FDPS: variants seen among roughly 807,000 people sequenced by gnomAD.
FDPS encodes farnesyl diphosphate synthase.
FDPS carries 29 observed loss-of-function variants against 49.5 expected under a neutral mutation model. The ratio of observed to expected loss-of-function variants is 0.59; its 90% confidence interval spans 0.44 to 0.80. FDPS has a LOEUF of 0.80. Among genes scored for constraint, FDPS ranks in the 30% least tolerant of loss-of-function variants. The pLI, the probability that FDPS is intolerant of heterozygous loss-of-function variation, is 0.00. For synonymous variants in FDPS, 172 were observed against 206.4 expected, an observed-to-expected ratio of 0.83 and a Z score of 1.43; for missense variants, 414 against 525.6, an observed-to-expected ratio of 0.79 and a Z score of 2.08.
chr1:155,318,392 C>A lies in FDPS; in HGVS notation c.684+101C>A. 1.4e-6 allele frequency: 2 copies of A among 1,481,034 alleles called. No individual in the cohort carries two copies. Among genetic ancestry groups the A allele is most frequent in the South Asian group, 1.2e-5 (1 of 84,626 alleles). 91.7% of individuals were successfully genotyped at this position (1,481,034 alleles called of 1,614,324 possible). ...CTGGTTTCAGGGTACAGGATTGCAG[C>A]GTGCCTGGAAGGGAAAGAAAGCGAG... On this transcript the variant is annotated intron_variant, in intron 6 of 10. Transcript: ENST00000368356. This position sits in a 1 kb window ranked among gnomAD's most constrained non-coding sequence, Gnocchi z 4.2.
In FDPS at chr1:155,318,341, G is replaced by A; in HGVS notation, c.684+50G>A. On this transcript the variant is annotated intron_variant, in intron 6 of 10. Transcript: ENST00000368356. This position sits in a 1 kb window ranked among gnomAD's most constrained non-coding sequence, Gnocchi z 4.2. The stretch of plus-strand genomic sequence containing the variant: ...CCCAGAGGGTGCCCATGGTAGCCTT[G>A]GCCTCTATAGGACATGCTCATCTAG... The A allele has an allele frequency of 1.2e-6, 2 of 1,600,264 alleles. No individual in the cohort carries two copies. The highest frequency in any genetic ancestry group is 1.7e-6 in the Non-Finnish European group (2 of 1,177,740).
intron 4 of FDPS, 170 bp from the exon 5 acceptor site, chr1:155,317,771 G>A (rs1649640835): frequency 1.7e-6 from 1 of 581,664 alleles, no homozygotes; most frequent in Non-Finnish European, 3.1e-6. Context: ...TTGAGCCTGG[G>A]AGTTAGAGGC....
intron 4 of FDPS, among the ~76,000 whole-genome samples, chr1:155,315,638 G>A (rs1211769019): frequency 2.0e-5 from 3 of 151,966 alleles, no homozygotes; most frequent in African/African-American, 7.3e-5. Context: ...AGCTGAGATT[G>A]TGCCACTGCA....
intron 4 of FDPS, among the ~76,000 whole-genome samples, chr1:155,313,718 G>T (rs1424239242): frequency 6.6e-6 from 1 of 152,088 alleles, no homozygotes. Context: ...GAGATGACAG[G>T]CAAGGAAGGA....
intron 3 of FDPS, among the ~76,000 whole-genome samples, chr1:155,311,148 G>A (rs951961193): frequency 5.3e-5 from 8 of 152,068 alleles, no homozygotes; most frequent in Admixed American, 1.3e-4. Flanking sequence ...GACCAGCCTG[G>A]TCAACATGGT....
In FDPS at chr1:155,318,482, G is replaced by A; in HGVS notation, c.685-183G>A. 2 of 830,572 alleles carry A rather than the reference G, an allele frequency of 2.4e-6. No homozygotes were observed. The highest frequency in any genetic ancestry group is 3.0e-5 in the South Asian group (2 of 66,282). 51.5% of individuals were successfully genotyped at this position (830,572 alleles called of 1,614,324 possible). On this transcript the variant is annotated intron_variant, in intron 6 of 10. Coordinates refer to ENST00000368356, the MANE Select transcript of FDPS (RefSeq NM_002004.4). This position sits in a 1 kb window ranked among gnomAD's most constrained non-coding sequence, Gnocchi z 4.2. ...AGGGCTTCTCTGTCCTGTGTAATTG[G>A]AAGAAAGGGTGATAAAGGACTGTGT...
At chr1:155,316,682 T>C (rs906258474) in intron 4 of FDPS, among the ~76,000 whole-genome samples, 2 of 151,868 alleles carry the variant, frequency 1.3e-5, no homozygotes, top group Non-Finnish European at 2.9e-5. Context: ...TCCCAGCTAC[T>C]TGGGAGGCTG....
At position 155,317,415 on chromosome 1, in the gene FDPS, G is replaced by A. The variant is rs978407635; in HGVS notation, c.481-526G>A. On this transcript the variant is annotated intron_variant, in intron 4 of 10. Transcript: ENST00000368356. ...TCTAGTTTCTTAACCTAAAACAAGA[G>A]TGTTTTAGTTCCATTTTATAGGCGG... The A allele has an allele frequency of 5.8e-5, 9 of 154,174 alleles. 2 individuals are homozygous for A. Among genetic ancestry groups the A allele is most frequent in the Admixed American group, 5.1e-4 (8 of 15,702 alleles). The allele number at this position is 154,174 out of a possible 1,614,324, so 9.6% of individuals were successfully genotyped here. A position where few individuals can be genotyped will look rare whatever the true frequency, so the allele number is the denominator to read the frequency against.
At position 155,318,856 on chromosome 1, in the gene FDPS, G is replaced by T; in HGVS notation, c.774G>T (p.Arg258Ser). 6.2e-7 allele frequency: 1 copy of T among 1,612,460 alleles called. No homozygotes were observed. Among genetic ancestry groups the T allele is most frequent in the Non-Finnish European group, 8.5e-7 (1 of 1,178,532 alleles). ...GAGTTTCTCTTCTCCCCTTACTCAG[G>T]TACAAATCTATTGTCAAGTACAAGA... ...NVDLVRFTEK[R>S]YKSIVKYKTA... The change falls in exon 8 of 11, where the codon AGG (arginine) becomes AGT (serine). Residue 258 changes from arginine to serine, a missense_variant and splice_region_variant. Arg to Ser is a moderately radical substitution (Grantham distance 110). Transcript: ENST00000368356. This position sits in a 1 kb window ranked among gnomAD's most constrained non-coding sequence, Gnocchi z 4.2.
At chr1:155,310,887 C>T (rs530683214) in intron 3 of FDPS, among the ~76,000 whole-genome samples, 2 of 152,216 alleles carry the variant, frequency 1.3e-5, no homozygotes, top group Non-Finnish European at 2.9e-5. Context: ...CATTAGAAAC[C>T]CCTATTCTAG....
chr1:155,309,755 A>G lies in FDPS; in HGVS notation c.-1-34A>G, dbSNP rs933770680. On this transcript the variant is annotated intron_variant, in intron 1 of 10. Transcript: ENST00000368356. ...GCCTTTGGTGCTTGCCCCTGCAGGG[A>G]GTGCTTAGTGCCCCCTCCCTATGCC... 4 of 1,486,636 alleles carry G rather than the reference A, an allele frequency of 2.7e-6. No homozygotes were observed. In the Admixed American group the frequency reaches 9.0e-5, roughly 33 times the overall value. 92.1% of individuals were successfully genotyped at this position (1,486,636 alleles called of 1,614,324 possible).
intron 4 of FDPS, among the ~76,000 whole-genome samples, chr1:155,316,629 A>C (rs377488416): frequency 1.3e-5 from 2 of 151,978 alleles, no homozygotes; most frequent in African/African-American, 4.8e-5. Flanking sequence ...TGAAAATACA[A>C]AAATTAGCTG....
intron 3 of FDPS, among the ~76,000 whole-genome samples, chr1:155,312,045 G>A (rs1226901491): frequency 6.6e-6 from 1 of 152,154 alleles, no homozygotes; most frequent in Non-Finnish European, 1.5e-5. Flanking sequence ...CAGAAAGAAT[G>A]TGCCTGGGTA....
At chr1:155,312,519 T>C in intron 4 of FDPS, 124 bp downstream of exon 4, 1 of 1,068,432 alleles carries the variant, frequency 9.4e-7, no homozygotes, top group Non-Finnish European at 1.4e-6. Flanking sequence ...TCTAGTGTGC[T>C]ACGGCCAAAT....
In FDPS at chr1:155,309,920, G is replaced by A. The variant is rs1553233115; in HGVS notation, c.131G>A (p.Trp44Ter). The change falls in exon 2 of 11, where the codon TGG (tryptophan) becomes TAG (stop). Residue 44 changes from tryptophan (W) to a stop codon, truncating the protein, a stop_gained. Coordinates refer to ENST00000368356, the MANE Select transcript of FDPS (RefSeq NM_002004.4). LOFTEE classifies it high-confidence loss of function. ...SLVHGYPVLA[W>*]HSARCWCQAW... is the part of the protein sequence containing the mutation. ...GTGCACGGGTACCCAGTCCTGGCCT[G>A]GCACAGTGCCCGCTGCTGGTGCCAA... The A allele has an allele frequency of 1.2e-6, 2 of 1,603,318 alleles. No homozygotes were observed. The highest frequency in any genetic ancestry group is 1.7e-6 in the Non-Finnish European group (2 of 1,173,158).
At position 155,310,124 on chromosome 1, in the gene FDPS, C is replaced by T. The variant is rs1648638354; in HGVS notation, c.258C>T (p.His86=). The part of the protein sequence containing the change: ...YAQEKQDFVQ[H]FSQIVRVLTE... ...AAGAAAAGCAGGATTTCGTTCAGCA[C>T]TTCTCCCAGATCGTTAGGGTGCTGA... The change falls in exon 3 of 11, where the codon CAC becomes CAT. Residue 86 remains histidine, a synonymous_variant. Transcript: ENST00000368356. 6.2e-7 allele frequency: 1 copy of T among 1,613,860 alleles called. No individual in the cohort carries two copies. Among genetic ancestry groups the T allele is most frequent in the African/African-American group, 1.3e-5 (1 of 74,896 alleles).
At position 155,309,869 on chromosome 1, in the gene FDPS, TG is replaced by T; in HGVS notation, c.83del (p.Gly28ValfsTer40). 1 of 1,590,086 alleles carries T rather than the reference TG, an allele frequency of 6.3e-7. No individual in the cohort carries two copies. The highest frequency in any genetic ancestry group is 8.6e-7 in the Non-Finnish European group (1 of 1,167,072). Reference protein sequence around the residue: ...APYWAPRERWLGSLRRPSLVH... With the variant: ...APYWAPRERWXGSLRRPSLVH... ...TACTGGGCACCCCGGGAGAGGTGGC[TG>T]GGTTCCCTACGGCGGCCCTCCCTGG... On this transcript the variant is annotated frameshift_variant, in exon 2 of 11. Transcript: ENST00000368356. LOFTEE classifies it high-confidence loss of function.
chr1:155,309,041 G>A (rs1648503503), intron 1 of FDPS, 76 bp downstream of exon 1: 1 of 152,440 alleles, frequency 6.6e-6, no homozygotes, highest in African/African-American at 2.4e-5. Context: ...ATACTGTGAG[G>A]CATCGGAAGG....
At chr1:155,312,418 G>A (rs1224906826) in intron 4 of FDPS, 23 bp downstream of exon 4, 1 of 1,564,588 alleles carries the variant, frequency 6.4e-7, no homozygotes. Context: ...GGGCAAGGGA[G>A]AAGAAGTTTC....
Sources: allele counts gnomAD v4.1 joint callset (sites outside exome capture counted in the v4.1 genomes callset), GRCh38; gene constraint gnomAD v4.1.1; non-coding constraint Gnocchi (gnomAD v3.1); transcripts MANE v1.5; gene names NCBI Gene and HGNC (gene_info 2026-07-23, HGNC 2026-07-21).